Variants in BMP1 observed in about 807,000 individuals in gnomAD.
BMP1 encodes bone morphogenetic protein 1.
In BMP1, 63 loss-of-function variants were observed where a neutral mutation model predicts 116.8. The observed-to-expected ratio is 0.54, with a 90% confidence interval of 0.44 to 0.67. The LOEUF is 0.67. Ranked by LOEUF, BMP1 falls within the 30% of genes least tolerant of loss-of-function variation. The pLI is 0.00. For synonymous variants in BMP1, 536 were observed against 533.4 expected (o/e 1.00, Z -0.07); for missense variants, 1,183 against 1,358.9 (o/e 0.87, Z 2.04).
chr8:22,173,657 A>T lies in BMP1; in HGVS notation c.204A>T (p.Val68=), dbSNP rs749485360. The part of the protein sequence containing the change: ...LDEEDLRAFQ[V]QQAVDLRRHT... Reference sequence around the variant, plus strand: ...AAGAGGACCTGAGGGCCTTCCAGGTACAGCAGGCTGTGGATCTCAGACGGC... The same window carrying T: ...AAGAGGACCTGAGGGCCTTCCAGGTTCAGCAGGCTGTGGATCTCAGACGGC... The change falls in exon 2 of 20, where the codon GTA becomes GTT. Residue 68 remains valine, a synonymous_variant. Coordinates refer to ENST00000306385, the MANE Select transcript of BMP1 (RefSeq NM_006129.5). 6.2e-7 allele frequency: 1 copy of T among 1,613,748 alleles called. No individual in the cohort carries two copies. The highest frequency in any genetic ancestry group is 8.5e-7 in the Non-Finnish European group (1 of 1,179,772).
chr8:22,197,408 C>T lies in BMP1; in HGVS notation c.2095C>T (p.His699Tyr), dbSNP rs1300464804. 3.7e-6 allele frequency: 6 copies of T among 1,609,334 alleles called. No homozygotes were observed. Among genetic ancestry groups the T allele is most frequent in the Non-Finnish European group, 2.6e-6 (3 of 1,176,018 alleles). Residue 699 changes from histidine (H) to tyrosine (Y), a missense_variant, in exon 15 of 20, where the codon CAC (histidine) becomes TAC (tyrosine). Around this residue, in one of 4 missense-constraint regions of BMP1, gnomAD observed 956 missense variants for 1,135.2 expected, o/e 0.84. Coordinates refer to ENST00000306385, the MANE Select transcript of BMP1 (RefSeq NM_006129.5). ...NTVSKKGFKA[H>Y]FFSDKDECSK... ...CGTGTCCAAAAAGGGCTTCAAGGCC[C>T]ACTTCTTCTCAGGTATCCCTGGACT... is the stretch of plus-strand genomic sequence containing the variant.
rs1351863198 is a variant in BMP1, at chr8:22,209,693, G to C, written c.2824G>C (p.Gly942Arg). The C allele has an allele frequency of 1.9e-6, 3 of 1,613,152 alleles. No homozygotes were observed. In the African/African-American group the frequency reaches 4.0e-5, roughly 22 times the overall value. ...APRLGRYCGS[G>R]PPEEVYSAGD... ...CAGGCTGGGGCGCTACTGTGGCTCA[G>C]GGGTGAGGCCCCCACCCCTCGCCCT... The change falls in exon 19 of 20, where the codon GGG (glycine) becomes CGG (arginine). Residue 942 changes from glycine to arginine, a missense_variant and splice_region_variant. Around this residue, in one of 4 missense-constraint regions of BMP1, gnomAD observed 956 missense variants for 1,135.2 expected, o/e 0.84. Transcript: ENST00000306385.
intron 1 of BMP1, among the ~76,000 whole-genome samples, chr8:22,166,480 G>A (rs1828116049): frequency 6.6e-6 from 1 of 152,234 alleles, no homozygotes; most frequent in African/African-American, 2.4e-5. Context: ...AGGCACTCGG[G>A]CCATTTGCCT....
chr8:22,200,667 C>A (rs1399990934), intron 15 of BMP1, among the ~76,000 whole-genome samples: 1 of 152,130 alleles, frequency 6.6e-6, no homozygotes, highest in East Asian at 1.9e-4. Context: ...ACGGTACATC[C>A]ATGCACTGGG....
intron 9 of BMP1, chr8:22,192,418 G>A (rs1828961415): frequency 1.1e-5 from 4 of 362,836 alleles, no homozygotes; most frequent in Non-Finnish European, 2.1e-5. Flanking sequence ...TCACCCTACG[G>A]GTGCAAGGAG....
intron 19 of BMP1, among the ~76,000 whole-genome samples, chr8:22,211,032 T>C (rs1215661732): frequency 6.6e-6 from 1 of 152,206 alleles, no homozygotes; most frequent in Non-Finnish European, 1.5e-5. Flanking sequence ...GAGCAGACCT[T>C]GGCCAGGTGC....
chr8:22,195,968 C>T (rs902809667), intron 13 of BMP1, among the ~76,000 whole-genome samples: 6 of 151,912 alleles, frequency 3.9e-5, no homozygotes, highest in African/African-American at 1.5e-4. Context: ...TTGGACAGAC[C>T]CCTTCTTGGA....
At chr8:22,195,167 G>A (rs2131884443) in intron 12 of BMP1, among the ~76,000 whole-genome samples, 1 of 152,302 alleles carries the variant, frequency 6.6e-6, no homozygotes, top group East Asian at 1.9e-4. Flanking sequence ...GTGTGACCTT[G>A]GGCAGGATAT....
chr8:22,197,500 G>A, intron 15 of BMP1, 80 bp downstream of exon 15: 2 of 1,484,416 alleles, frequency 1.3e-6, no homozygotes, highest in Non-Finnish European at 1.8e-6. Context: ...CTGCACCCCT[G>A]TACTCCCCAG....
rs1563265344 is a variant in BMP1, at chr8:22,194,922, GCCT to G, written c.1639+8_1639+10del. 6.2e-7 allele frequency: 1 copy of G among 1,604,072 alleles called. No individual in the cohort carries two copies. ...CTTTGCCGTCAACTTTTTCAAAGGT[GCCT>G]CCTCTGTTACTCTCCCCTGCCCCAA... On this transcript the variant is annotated splice_donor_5th_base_variant and intron_variant, in intron 12 of 19. Transcript: ENST00000306385. The surrounding 1 kb of genome is among the most constrained non-coding windows in gnomAD (Gnocchi z 4.5).
chr8:22,201,322 C>T, intron 15 of BMP1: 1 of 1,506,638 alleles, frequency 6.6e-7, no homozygotes, highest in Non-Finnish European at 8.8e-7. Context: ...GCCCACCTCC[C>T]TCTGGCCGGA....
intron 8 of BMP1, among the ~76,000 whole-genome samples, chr8:22,182,933 C>T (rs1455748004): frequency 6.6e-6 from 1 of 152,218 alleles, no homozygotes; most frequent in African/African-American, 2.4e-5. Flanking sequence ...GGCTCTCCTC[C>T]TTCTATGTTA....
At chr8:22,211,172 G>A (rs542056038) in intron 19 of BMP1, among the ~76,000 whole-genome samples, 2 of 152,228 alleles carry the variant, frequency 1.3e-5, no homozygotes, top group Admixed American at 6.5e-5. Flanking sequence ...AGTCCACTGG[G>A]ACAGCAGGAA....
chr8:22,176,165 C>T lies in BMP1; in HGVS notation c.285C>T (p.Pro95=), dbSNP rs1203646799. Residue 95 remains proline (P), a synonymous_variant, in exon 3 of 20, where the codon CCC becomes CCT. Transcript: ENST00000306385. ...KAAVPGNTST[P]SCQSTNGQPQ... ...CAGTTCCAGGAAACACTTCTACCCC[C>T]AGCTGCCAGAGCACCAACGGGCAGC... 6.2e-7 allele frequency: 1 copy of T among 1,614,192 alleles called. No individual in the cohort carries two copies. Among genetic ancestry groups the T allele is most frequent in the East Asian group, 2.2e-5 (1 of 44,890 alleles).
chr8:22,176,916 T>G (rs1563244133), intron 4 of BMP1, 45 bp from the exon 5 acceptor site: 2 of 1,261,038 alleles, frequency 1.6e-6, no homozygotes, highest in Admixed American at 2.1e-5. Context: ...GTGGATGCAC[T>G]CCCCCAGCTC....
chr8:22,199,161 GCA>G (rs773121693), intron 15 of BMP1: 17 of 1,367,454 alleles, frequency 1.2e-5, no homozygotes, highest in East Asian at 9.1e-5. Flanking sequence ...ACACACATGT[GCA>G]CACACATTGC....
At chr8:22,209,077 G>A (rs755311828) in intron 18 of BMP1, among the ~76,000 whole-genome samples, 12 of 152,192 alleles carry the variant, frequency 7.9e-5, no homozygotes, top group Non-Finnish European at 1.8e-4. Flanking sequence ...CCAGATGTAC[G>A]GCTTCTCTCT....
chr8:22,169,429 T>C (rs1828213092), intron 1 of BMP1: 1 of 152,220 alleles, frequency 6.6e-6, no homozygotes, highest in Non-Finnish European at 1.5e-5. Flanking sequence ...ATGCCTGCAG[T>C]TATGTGTGTG....
chr8:22,192,086 G>A lies in BMP1; in HGVS notation c.1115G>A (p.Ser372Asn), dbSNP rs772044431. Residue 372 changes from serine to asparagine, a missense_variant, in exon 9 of 20, where the codon AGC becomes AAC. Ser to Asn is a conservative substitution (Grantham distance 46). Transcript: ENST00000306385. Reference sequence around the variant, plus strand: ...TTCACGTCCCTGGACCTGTACCGCAGCCGCCTGTGCTGGTACGACTATGTG... The same window carrying A: ...TTCACGTCCCTGGACCTGTACCGCAACCGCCTGTGCTGGTACGACTATGTG... ...LNFTSLDLYR[S>N]RLCWYDYVEV... is the part of the protein sequence containing the mutation. 9 of 1,613,872 alleles carry A rather than the reference G, an allele frequency of 5.6e-6. No homozygotes were observed. The Admixed American group carries it at 1.5e-4, about 27-fold the overall frequency.
Sources: gnomAD v4.1 joint callset for allele counts (sites outside exome capture counted in the v4.1 genomes callset) on GRCh38, gnomAD v4.1.1 for gene constraint, gnomAD v4.1.1 regional missense constraint, Gnocchi (gnomAD v3.1) non-coding constraint, MANE v1.5 for transcripts, NCBI Gene and HGNC (gene_info 2026-07-23, HGNC 2026-07-21) for gene names.